Variants in GABRB1 observed in about 807,000 individuals in gnomAD.
The protein encoded by GABRB1 is gamma-aminobutyric acid receptor subunit beta-1.
In GABRB1, 17 loss-of-function variants were observed where a neutral mutation model predicts 51.6. That is an observed-to-expected ratio of 0.33 (90% CI 0.23 to 0.49). GABRB1 has a LOEUF of 0.49. Among genes scored for constraint, GABRB1 ranks in the 20% least tolerant of loss-of-function variants. The pLI, the probability that GABRB1 is intolerant of heterozygous loss-of-function variation, is 0.99. For synonymous variants in GABRB1, 247 were observed against 218.9 expected (o/e 1.13, Z -1.14); for missense variants, 410 against 600.6 (o/e 0.68, Z 3.32).
At position 47,251,999 on chromosome 4, in the gene GABRB1, G is replaced by A. The variant is rs113462399; in HGVS notation, c.462-68128G>A. 1.5e-3 allele frequency among the ~76,000 whole-genome samples: 227 copies of A among 152,194 alleles called. 1 individual carries two copies. Among genetic ancestry groups the A allele is most frequent in the African/African-American group, 5.1e-3 (212 of 41,516 alleles). On this transcript the variant is annotated intron_variant, in intron 4 of 8. Coordinates refer to ENST00000295454, the MANE Select transcript of GABRB1 (RefSeq NM_000812.4). ...GGATTCACGCCCTCCCTTGAGTTCT[G>A]GCTGGGAGGCTTCTTGCCCCTTTCA...
At chr4:47,380,573 A>G (rs998834124) in intron 5 of GABRB1, among the ~76,000 whole-genome samples, 2 of 152,268 alleles carry the variant, frequency 1.3e-5, no homozygotes, top group Middle Eastern at 3.2e-3. Flanking sequence ...TTTTACTAAC[A>G]TGAACTTCTG....
intron 4 of GABRB1, among the ~76,000 whole-genome samples, chr4:47,300,017 A>G (rs1453921462): frequency 6.8e-6 from 1 of 147,226 alleles, no homozygotes; most frequent in Non-Finnish European, 1.5e-5. Flanking sequence ...ACATGTTCTC[A>G]CTCATAGGTG....
At chr4:47,125,375 A>G (rs909224360) in intron 3 of GABRB1, among the ~76,000 whole-genome samples, 2 of 152,006 alleles carry the variant, frequency 1.3e-5, no homozygotes, top group Admixed American at 6.6e-5. Flanking sequence ...AATTGGTAAC[A>G]TGAAAACATA....
At chr4:47,247,136 T>C (rs1372754489) in intron 4 of GABRB1, among the ~76,000 whole-genome samples, 2 of 152,156 alleles carry the variant, frequency 1.3e-5, no homozygotes, top group Non-Finnish European at 2.9e-5. Flanking sequence ...TGTTATCTTC[T>C]AGAATTTTTA....
intron 3 of GABRB1, among the ~76,000 whole-genome samples, chr4:47,137,314 C>T (rs557480232): frequency 2.6e-4 from 24 of 90,926 alleles, no homozygotes; most frequent in South Asian, 1.0e-3. Context: ...GGCATGATAT[C>T]GCATGTCAGT....
intron 1 of GABRB1, among the ~76,000 whole-genome samples, chr4:47,015,441 A>G (rs985978478): frequency 2.6e-5 from 4 of 152,216 alleles, no homozygotes; most frequent in Admixed American, 2.6e-4. Context: ...TTAATAGATT[A>G]TATTAGCCTA....
chr4:47,138,726 A>G (rs1033836824), intron 3 of GABRB1, among the ~76,000 whole-genome samples: 1 of 152,090 alleles, frequency 6.6e-6, no homozygotes, highest in Non-Finnish European at 1.5e-5. Flanking sequence ...CAGAGAATGA[A>G]GACAGATGTT....
rs571567582 is a variant in GABRB1, at chr4:46,997,597, AT to A, written c.-20+3674del. ...CCACAAATAAGTGAGATCATTTCAT[AT>A]TTATTTTTCTGTGCTATCTGTGTCT... On this transcript the variant is annotated intron_variant, in intron 1 of 3. Coordinates refer to the GABRB1 transcript ENST00000513567. 1.8e-3 allele frequency among the ~76,000 whole-genome samples: 269 copies of A among 151,908 alleles called. 1 individual carries two copies. The highest frequency in any genetic ancestry group is 6.4e-3 in the African/African-American group (265 of 41,456).
chr4:47,263,580 G>C (rs1722535184), intron 4 of GABRB1, among the ~76,000 whole-genome samples: 2 of 152,126 alleles, frequency 1.3e-5, no homozygotes, highest in Non-Finnish European at 2.9e-5. Context: ...GTGAATACAT[G>C]AGTCAATCTC....
At chr4:47,352,584 C>T (rs1227507618) in intron 5 of GABRB1, among the ~76,000 whole-genome samples, 1 of 152,170 alleles carries the variant, frequency 6.6e-6, no homozygotes, top group African/African-American at 2.4e-5. Flanking sequence ...AAGTGGGCTT[C>T]ATCCCTGGGA....
intron 1 of GABRB1, 76 bp from the exon 2 acceptor site, chr4:47,031,838 A>AG: frequency 6.7e-7 from 1 of 1,490,534 alleles, no homozygotes; most frequent in Admixed American, 1.7e-5. Context: ...GTTTGGGGGT[A>AG]GGTGTGCCTG....
rs571363096 is a variant in GABRB1 at position 47,060,548 on chromosome 4, A to T, written c.240+28064A>T. Among the ~76,000 whole-genome samples the T allele has an allele frequency of 8.5e-5, 13 of 152,280 alleles. No homozygotes were observed. In the East Asian group the frequency reaches 2.5e-3, roughly 29 times the overall value. ...TAAATACAAGCAAATAATTATAAAG[A>T]TAGTTTGCAGTATGATAGAAAGCAT... is the stretch of plus-strand genomic sequence containing the variant. On this transcript the variant is annotated intron_variant, in intron 3 of 8. Transcript: ENST00000295454.
chr4:47,343,552 C>T (rs572543966), intron 5 of GABRB1, among the ~76,000 whole-genome samples: 1 of 152,172 alleles, frequency 6.6e-6, no homozygotes, highest in South Asian at 2.1e-4. Flanking sequence ...AAATCCCCTG[C>T]AGACTTTCTA....
At chr4:47,219,110 G>A (rs906968002) in intron 4 of GABRB1, among the ~76,000 whole-genome samples, 2 of 151,838 alleles carry the variant, frequency 1.3e-5, no homozygotes, top group Admixed American at 1.3e-4. Context: ...GAAAAGAAGA[G>A]TAGTATTTGT....
intron 4 of GABRB1, among the ~76,000 whole-genome samples, chr4:47,296,322 T>C (rs1203020782): frequency 6.6e-6 from 1 of 152,092 alleles, no homozygotes; most frequent in Admixed American, 6.5e-5. Flanking sequence ...GCAAATTGGA[T>C]AAAGAGTCAA....
chr4:47,010,577 T>G (rs1724554875), intron 1 of GABRB1, among the ~76,000 whole-genome samples: 1 of 152,216 alleles, frequency 6.6e-6, no homozygotes. Context: ...ATAAATATGA[T>G]CAACTCAAAT....
At chr4:47,081,758 G>A (rs73813162) in intron 3 of GABRB1, among the ~76,000 whole-genome samples, 1 of 151,866 alleles carries the variant, frequency 6.6e-6, no homozygotes, top group African/African-American at 2.4e-5. Flanking sequence ...TGGCTTTTTT[G>A]CATAGCAAAC....
chr4:46,995,021 T>C (rs546068188), intron 1 of GABRB1, among the ~76,000 whole-genome samples: 5 of 152,216 alleles, frequency 3.3e-5, no homozygotes, highest in Non-Finnish European at 7.3e-5. Context: ...GCTTTCTTCA[T>C]GGAATTTGTT....
At chr4:47,141,612 T>C (rs1168728783) in intron 3 of GABRB1, among the ~76,000 whole-genome samples, 2 of 151,984 alleles carry the variant, frequency 1.3e-5, no homozygotes, top group African/African-American at 4.8e-5. Flanking sequence ...TGTATTATTT[T>C]ATGAAGTTGT....
Sources: gnomAD v4.1 joint callset for allele counts (sites outside exome capture counted in the v4.1 genomes callset) on GRCh38, gnomAD v4.1.1 for gene constraint, MANE v1.5 for transcripts, NCBI Gene and HGNC (gene_info 2026-07-23, HGNC 2026-07-21) for gene names.